Variants in RAB27B observed in about 807,000 individuals in gnomAD.
RAB27B encodes ras-related protein Rab-27B.
In RAB27B, 15 loss-of-function variants were observed where a neutral mutation model predicts 24.6. That is an observed-to-expected ratio of 0.61 (90% CI 0.41 to 0.94). The LOEUF (loss-of-function observed/expected upper bound fraction) is 0.94, where lower values mean the gene tolerates loss of function less well. Ranked by LOEUF, RAB27B falls within the 40% of genes least tolerant of loss-of-function variation. The pLI is 0.00. For missense variants in RAB27B, 261 were observed against 266.8 expected (o/e 0.98, Z 0.15); for synonymous variants, 105 against 92.5 (o/e 1.14, Z -0.78).
intron 2 of RAB27B, among the ~76,000 whole-genome samples, chr18:54,737,189 C>T (rs1438755223): frequency 6.6e-6 from 1 of 152,140 alleles, no homozygotes; most frequent in Non-Finnish European, 1.5e-5. Flanking sequence ...TCATAGTTTA[C>T]TCATTCACTG....
In RAB27B at chr18:54,894,022, G is replaced by C. The variant is rs1381170048; in HGVS notation, c.*4609G>C. On this transcript the variant is annotated 3_prime_UTR_variant, in exon 6 of 6. Transcript: ENST00000262094. Reference sequence around the variant, plus strand: ...TTGGCATAAAAATGTGATACACTTAGAGACATTTTGTTTATTGCATATAAA... The same window carrying C: ...TTGGCATAAAAATGTGATACACTTACAGACATTTTGTTTATTGCATATAAA... 6.6e-6 allele frequency: 1 copy of C among 151,814 alleles called. No individual in the cohort carries two copies. Among genetic ancestry groups the C allele is most frequent in the African/African-American group, 2.4e-5 (1 of 41,362 alleles). 9.4% of individuals were successfully genotyped at this position (151,814 alleles called of 1,614,324 possible). A position where few individuals can be genotyped will look rare whatever the true frequency, so the allele number is the denominator to read the frequency against.
chr18:54,738,835 G>A (rs1454728588), intron 2 of RAB27B, among the ~76,000 whole-genome samples: 1 of 152,022 alleles, frequency 6.6e-6, no homozygotes, highest in Non-Finnish European at 1.5e-5. Flanking sequence ...CCTAAAATAA[G>A]CCTCATTTAT....
intron 2 of RAB27B, among the ~76,000 whole-genome samples, chr18:54,809,791 G>A (rs1039268344): frequency 6.6e-6 from 1 of 152,158 alleles, no homozygotes; most frequent in Non-Finnish European, 1.5e-5. Context: ...AAGTATGGAT[G>A]TTGTTAAACA....
chr18:54,894,746 G>C lies in RAB27B; in HGVS notation c.*5333G>C, dbSNP rs1031587422. 1 of 151,946 alleles carries C rather than the reference G, an allele frequency of 6.6e-6. No homozygotes were observed. Among genetic ancestry groups the C allele is most frequent in the Non-Finnish European group, 1.5e-5 (1 of 67,942 alleles). 9.4% of individuals were successfully genotyped at this position (151,946 alleles called of 1,614,324 possible). A position where few individuals can be genotyped will look rare whatever the true frequency, so the allele number is the denominator to read the frequency against. ...TATAAGAAAGTGGTTTGTAAATTAT[G>C]TTCCATTTCATAAATAGACACTATT... On this transcript the variant is annotated 3_prime_UTR_variant, in exon 6 of 6. Transcript: ENST00000262094.
intron 2 of RAB27B, among the ~76,000 whole-genome samples, chr18:54,817,115 T>C (rs1051756465): frequency 2.0e-5 from 3 of 152,244 alleles, no homozygotes; most frequent in Non-Finnish European, 2.9e-5. Context: ...TTCTGTGTTC[T>C]TTTCCTTGAA....
chr18:54,753,559 A>G (rs545888977), intron 2 of RAB27B, among the ~76,000 whole-genome samples: 161 of 152,342 alleles, frequency 1.1e-3, no homozygotes, highest in African/African-American at 3.8e-3. Context: ...GGCAGCCACA[A>G]TAAAGTAGCC....
Position 54,794,748 on chromosome 18 carries a change from G to C in RAB27B, c.-20+76607G>C, listed in dbSNP as rs184712829. On this transcript the variant is annotated intron_variant, in intron 2 of 4. Transcript: ENST00000586570. The stretch of plus-strand genomic sequence containing the variant: ...GCTAGCGCTGAACAGAAGTGGTCCC[G>C]TTTAGAGTGCAGGAGCAGTTTAGTT... Among the ~76,000 whole-genome samples, 284 of 152,308 alleles carry C rather than the reference G, an allele frequency of 1.9e-3. 1 individual carries two copies. The highest frequency in any genetic ancestry group is 6.4e-3 in the African/African-American group (266 of 41,576).
chr18:54,792,932 C>G (rs1339231203), intron 2 of RAB27B, among the ~76,000 whole-genome samples: 1 of 152,164 alleles, frequency 6.6e-6, no homozygotes, highest in African/African-American at 2.4e-5. Flanking sequence ...TTCCAGGATT[C>G]AAGTCCACAG....
At chr18:54,742,220 C>T (rs994974925) in intron 2 of RAB27B, among the ~76,000 whole-genome samples, 2 of 152,288 alleles carry the variant, frequency 1.3e-5, no homozygotes, top group Admixed American at 6.5e-5. Context: ...CTGTAAGCCT[C>T]TTGTAACACT....
chr18:54,750,877 T>C (rs1180642852), intron 2 of RAB27B, among the ~76,000 whole-genome samples: 1 of 151,786 alleles, frequency 6.6e-6, no homozygotes, highest in African/African-American at 2.4e-5. Context: ...TGGGCAGGAG[T>C]TAGTCAAGCA....
chr18:54,819,743 G>T (rs892979297), intron 2 of RAB27B, among the ~76,000 whole-genome samples: 4 of 151,330 alleles, frequency 2.6e-5, no homozygotes, highest in Non-Finnish European at 5.9e-5. Flanking sequence ...TTAACATTAG[G>T]TATATCTCCT....
intron 2 of RAB27B, among the ~76,000 whole-genome samples, chr18:54,743,618 G>T (rs1168619037): frequency 6.6e-6 from 1 of 152,130 alleles, no homozygotes; most frequent in Non-Finnish European, 1.5e-5. Context: ...TGGATGCCTG[G>T]TCCTTGCATA....
rs1913379082 is a variant in RAB27B, at chr18:54,891,777, T to A, written c.*2364T>A. On this transcript the variant is annotated 3_prime_UTR_variant, in exon 6 of 6. Transcript: ENST00000262094. The stretch of plus-strand genomic sequence containing the variant: ...TGTTTTAAGATCATTATTTGATAGC[T>A]GTAGCATGAAGCAGAGGTTGATGAT... 1 of 152,132 alleles carries A rather than the reference T, an allele frequency of 6.6e-6. No individual in the cohort carries two copies. The highest frequency in any genetic ancestry group is 1.5e-5 in the Non-Finnish European group (1 of 68,024). 9.4% of individuals were successfully genotyped at this position (152,132 alleles called of 1,614,324 possible).
chr18:54,868,526 C>T (rs1042069930), intron 1 of RAB27B, among the ~76,000 whole-genome samples: 1 of 152,170 alleles, frequency 6.6e-6, no homozygotes, highest in African/African-American at 2.4e-5. Context: ...TCAGCATAAC[C>T]TTGGGCACAC....
chr18:54,750,328 A>G (rs1161074362), intron 2 of RAB27B, among the ~76,000 whole-genome samples: 1 of 152,214 alleles, frequency 6.6e-6, no homozygotes, highest in African/African-American at 2.4e-5. Flanking sequence ...TTGCTTGAGT[A>G]CAGAAGGATA....
In RAB27B at chr18:54,756,503, C is replaced by T. The variant is rs918131; in HGVS notation, c.-20+38362C>T. Among the ~76,000 whole-genome samples, 673 of 152,138 alleles carry T rather than the reference C, an allele frequency of 4.4e-3. 7 individuals are homozygous for T. The highest frequency in any genetic ancestry group is 0.014 in the African/African-American group (575 of 41,514). ...CTTTAGCCCCTAGGAACTTACCATA[C>T]TGTTATTCAGAGCTACCAATTCAAT... On this transcript the variant is annotated intron_variant, in intron 2 of 4. Transcript: ENST00000586570.
chr18:54,808,499 C>G (rs1478750041), intron 2 of RAB27B, among the ~76,000 whole-genome samples: 1 of 152,210 alleles, frequency 6.6e-6, no homozygotes, highest in Non-Finnish European at 1.5e-5. Flanking sequence ...AAGTAGAGAA[C>G]TACTAGATGT....
chr18:54,834,643 T>C (rs1297916887), intron 1 of RAB27B, among the ~76,000 whole-genome samples: 2 of 150,216 alleles, frequency 1.3e-5, no homozygotes, highest in African/African-American at 2.5e-5. Flanking sequence ...TAAGATTATC[T>C]TTGTTATACA....
intron 2 of RAB27B, among the ~76,000 whole-genome samples, chr18:54,767,875 G>C (rs1231170114): frequency 6.6e-6 from 1 of 152,160 alleles, no homozygotes; most frequent in South Asian, 2.1e-4. Context: ...AGGGATGTTT[G>C]TTCCATAAAG....
Sources: allele counts gnomAD v4.1 joint callset (sites outside exome capture counted in the v4.1 genomes callset), GRCh38; gene constraint gnomAD v4.1.1; transcripts MANE v1.5; gene names NCBI Gene and HGNC (gene_info 2026-07-23, HGNC 2026-07-21).